KHDRBS2: variants seen among roughly 807,000 people sequenced by gnomAD.
The protein encoded by KHDRBS2 is KH RNA binding domain containing, signal transduction associated 2.
In KHDRBS2, 26 loss-of-function variants were observed where a neutral mutation model predicts 44.3. That is an observed-to-expected ratio of 0.59 (90% confidence interval 0.43 to 0.81). The LOEUF (loss-of-function observed/expected upper bound fraction) is 0.81, where lower values mean the gene tolerates loss of function less well. KHDRBS2 is among the 40% of genes least tolerant of loss of function. The pLI, the probability that KHDRBS2 is intolerant of heterozygous loss-of-function variation, is 0.00. For synonymous variants in KHDRBS2, 194 were observed against 151.1 expected (o/e 1.28, Z -2.08); for missense variants, 476 against 433.1 (o/e 1.10, Z -0.88).
chr6:62,111,623 C>T (rs977730341), intron 2 of KHDRBS2, among the ~76,000 whole-genome samples: 3 of 152,080 alleles, frequency 2.0e-5, no homozygotes, highest in African/African-American at 4.8e-5. Flanking sequence ...AGGATAGATA[C>T]AGCAGCTCAC....
intron 6 of KHDRBS2, among the ~76,000 whole-genome samples, chr6:61,892,814 G>C (rs1802162108): frequency 6.6e-6 from 1 of 152,098 alleles, no homozygotes; most frequent in Non-Finnish European, 1.5e-5. Context: ...AGAAAACCTA[G>C]GCATTACCAT....
intron 2 of KHDRBS2, among the ~76,000 whole-genome samples, chr6:62,123,118 A>T (rs545765718): frequency 1.3e-5 from 2 of 152,132 alleles, no homozygotes; most frequent in African/African-American, 4.8e-5. Context: ...CTCATTGTTC[A>T]ACTCTCACCT....
At chr6:61,892,378 A>C (rs372013833) in intron 6 of KHDRBS2, among the ~76,000 whole-genome samples, 27 of 151,606 alleles carry the variant, frequency 1.8e-4, no homozygotes, top group South Asian at 8.3e-4. Flanking sequence ...CAATGACTTT[A>C]TTCACAGAAT....
At chr6:62,102,587 A>G (rs1321468572) in intron 2 of KHDRBS2, among the ~76,000 whole-genome samples, 4 of 151,770 alleles carry the variant, frequency 2.6e-5, no homozygotes, top group Non-Finnish European at 1.5e-5. Context: ...TTTCTGTTAC[A>G]CTCTTTCAGT....
the KHDRBS2 span, among the ~76,000 whole-genome samples, chr6:61,629,721 A>G: frequency 1.2e-4 from 19 of 152,184 alleles, no homozygotes; most frequent in Admixed American, 1.2e-3. Context: ...GAAAAACTAT[A>G]ACGTTATAAA....
the KHDRBS2 span, among the ~76,000 whole-genome samples, chr6:61,641,800 C>T: frequency 2.3e-3 from 352 of 152,164 alleles, 2 homozygotes; most frequent in African/African-American, 8.2e-3. Flanking sequence ...ATTAAAAGTT[C>T]TATGCAAAGA....
At chr6:61,719,770 T>A (rs189467760) in intron 7 of KHDRBS2, among the ~76,000 whole-genome samples, 23 of 152,082 alleles carry the variant, frequency 1.5e-4, no homozygotes, top group African/African-American at 3.1e-4. Flanking sequence ...CTCTTTTTTT[T>A]AAATTTATTT....
chr6:61,914,624 G>GT (rs1223675354), intron 4 of KHDRBS2, among the ~76,000 whole-genome samples: 1 of 151,998 alleles, frequency 6.6e-6, no homozygotes, highest in Admixed American at 6.6e-5. Context: ...AAACCTGCAC[G>GT]TTGTGCACAT....
chr6:61,796,593 C>A (rs1369727341), intron 6 of KHDRBS2, among the ~76,000 whole-genome samples: 1 of 151,806 alleles, frequency 6.6e-6, no homozygotes, highest in Non-Finnish European at 1.5e-5. Flanking sequence ...AATAAAATAT[C>A]ATGTAATTGG....
chr6:61,653,021 TA>T, the KHDRBS2 span, among the ~76,000 whole-genome samples: 2 of 152,196 alleles, frequency 1.3e-5, no homozygotes, highest in South Asian at 4.1e-4. Context: ...AGAGCTATTA[TA>T]AATGGAATAA....
rs201421395 is a variant in KHDRBS2, at chr6:61,955,629, T to TGC, written c.483+22436_483+22437insGC. On this transcript the variant is annotated intron_variant, in intron 4 of 8. Transcript: ENST00000281156. ...ATACACGTATGTATGTATGCATACA[T>TGC]GTGTATATACACGTATGTATGTATG... Among the ~76,000 whole-genome samples, 5 of 29,136 alleles carry TGC rather than the reference T, an allele frequency of 1.7e-4. No homozygotes were observed. In the African/African-American group the frequency reaches 3.1e-3, roughly 18 times the overall value. 19.1% of individuals were successfully genotyped at this position (29,136 alleles called of 152,430 possible).
chr6:61,789,663 T>G (rs996998666), intron 6 of KHDRBS2, among the ~76,000 whole-genome samples: 1 of 151,486 alleles, frequency 6.6e-6, no homozygotes, highest in African/African-American at 2.4e-5. Flanking sequence ...GGAAAGGCCC[T>G]GGTTTGTCGT....
At chr6:61,998,900 T>A (rs1185913986) in intron 3 of KHDRBS2, among the ~76,000 whole-genome samples, 1 of 152,050 alleles carries the variant, frequency 6.6e-6, no homozygotes, top group Non-Finnish European at 1.5e-5. Flanking sequence ...TATAAACATA[T>A]ACATATCACA....
chr6:62,200,547 A>G (rs1344080236), intron 1 of KHDRBS2, among the ~76,000 whole-genome samples: 1 of 152,208 alleles, frequency 6.6e-6, no homozygotes, highest in African/African-American at 2.4e-5. Flanking sequence ...ACCATCTCAC[A>G]CCAGTTAGAA....
chr6:61,725,776 G>A (rs976935868), intron 7 of KHDRBS2, among the ~76,000 whole-genome samples: 24 of 152,032 alleles, frequency 1.6e-4, no homozygotes, highest in African/African-American at 4.8e-4. Context: ...GACTAATAAC[G>A]AGTTCTGAAA....
At chr6:62,047,577 C>T (rs1787987143) in intron 3 of KHDRBS2, among the ~76,000 whole-genome samples, 1 of 151,648 alleles carries the variant, frequency 6.6e-6, no homozygotes, top group African/African-American at 2.4e-5. Flanking sequence ...AAAATGAACA[C>T]AGACATATAG....
At chr6:61,903,062 G>A (rs1583426216) in intron 4 of KHDRBS2, among the ~76,000 whole-genome samples, 1 of 152,096 alleles carries the variant, frequency 6.6e-6, no homozygotes, top group Admixed American at 6.6e-5. Context: ...GAAAATTATA[G>A]TTTCTAACAA....
chr6:61,573,226 C>CA, the KHDRBS2 span, among the ~76,000 whole-genome samples: 1 of 151,614 alleles, frequency 6.6e-6, no homozygotes, highest in East Asian at 1.9e-4. Context: ...ACAACAGCTG[C>CA]AAAAAAATAA....
At chr6:61,939,547 T>TAA (rs5876758) in intron 4 of KHDRBS2, among the ~76,000 whole-genome samples, 3,264 of 151,824 alleles carry the variant, frequency 0.021, 40 homozygotes, top group Non-Finnish European at 0.034. Flanking sequence ...GAACAATGGG[T>TAA]AAAAAAAACA....
Sources: gnomAD v4.1 joint callset for allele counts (sites outside exome capture counted in the v4.1 genomes callset) on GRCh38, gnomAD v4.1.1 for gene constraint, MANE v1.5 for transcripts, NCBI Gene and HGNC (gene_info 2026-07-23, HGNC 2026-07-21) for gene names.